The following DNAH6 variants were observed in gnomAD, a reference collection of about 807,000 sequenced individuals.
DNAH6 encodes axonemal beta dynein heavy chain 6.
In DNAH6, 340 loss-of-function variants were observed where a neutral mutation model predicts 491.4. The ratio of observed to expected loss-of-function variants is 0.69; its 90% CI spans 0.63 to 0.76. DNAH6 has a LOEUF of 0.76. Among genes scored for constraint, DNAH6 ranks in the 30% least tolerant of loss-of-function variants. The pLI is 0.00. For synonymous variants in DNAH6, 1,603 were observed against 1,686.1 expected, an observed-to-expected ratio of 0.95 and a Z score of 1.21; for missense variants, 4,443 against 4,972.2, an observed-to-expected ratio of 0.89 and a Z score of 3.20.
At chr2:84,502,184 G>T in the DNAH6 span, among the ~76,000 whole-genome samples, 1 of 151,896 alleles carries the variant, frequency 6.6e-6, no homozygotes. Context: ...TCTTGGTACC[G>T]CTTTTGCTGT....
In DNAH6 at chr2:84,547,520, A is replaced by T. The variant is rs780629101; in HGVS notation, c.1094A>T (p.Asn365Ile). The T allele has an allele frequency of 1.3e-6, 2 of 1,551,724 alleles. No homozygotes were observed. The highest frequency in any genetic ancestry group is 2.4e-5 in the South Asian group (2 of 84,062). ...ACAGAACGCCTAGGAGAATTTCGAA[A>T]TGAGGCAAAATATGTAGTCAGGAGG... Reference protein sequence around the residue: ...EVTERLGEFRNEAKYVVRRAC... With the variant: ...EVTERLGEFRIEAKYVVRRAC... Residue 365 changes from asparagine to isoleucine, a missense_variant, in exon 7 of 77, where the codon AAT becomes ATT. Asn to Ile is a moderately radical substitution (Grantham distance 149, BLOSUM62 -3). Transcript: ENST00000389394.
At chr2:84,512,951 T>G (rs1166705418), upstream of DNAH6, among the ~76,000 whole-genome samples, 1 of 152,062 alleles carries the variant, frequency 6.6e-6, no homozygotes, top group East Asian at 1.9e-4. Context: ...ACTGATAGGT[T>G]TAATCAATTT....
chr2:84,520,406 G>A (rs1676030406), intron 2 of DNAH6, among the ~76,000 whole-genome samples: 1 of 152,004 alleles, frequency 6.6e-6, no homozygotes, highest in Admixed American at 6.6e-5. Flanking sequence ...TGCAGCTAGT[G>A]TTTTTATGTG....
intron 45 of DNAH6, among the ~76,000 whole-genome samples, chr2:84,693,539 C>T (rs898177861): frequency 1.3e-5 from 2 of 151,950 alleles, no homozygotes; most frequent in Non-Finnish European, 2.9e-5. Context: ...ATCAGGAGAT[C>T]GAGACCATCC....
At chr2:84,764,411 C>T (rs989404622) in intron 64 of DNAH6, among the ~76,000 whole-genome samples, 2 of 152,030 alleles carry the variant, frequency 1.3e-5, no homozygotes, top group African/African-American at 4.8e-5. Context: ...TTGGAAACAA[C>T]AAATTAAAAC....
intron 58 of DNAH6, among the ~76,000 whole-genome samples, chr2:84,717,821 G>A (rs1697693497): frequency 6.6e-6 from 1 of 152,152 alleles, no homozygotes; most frequent in Non-Finnish European, 1.5e-5. Context: ...TGTTGGTACA[G>A]AAAGAATATT....
rs149191293 is a variant in DNAH6 at position 84,558,381 on chromosome 2, G to A, written c.1803+446G>A. 5.6e-4 allele frequency among the ~76,000 whole-genome samples: 84 copies of A among 149,174 alleles called. No homozygotes were observed. In the East Asian group the frequency reaches 0.013, roughly 24 times the overall value. ...CAAACTTGCAGTGAGCCGAGATCGC[G>A]CCACTGCACTCCAGCCTAGGTGACA... On this transcript the variant is annotated intron_variant, in intron 11 of 76. Coordinates refer to ENST00000389394, the MANE Select transcript of DNAH6 (RefSeq NM_001370.2).
chr2:84,562,573 G>T (rs1680786750), intron 11 of DNAH6, among the ~76,000 whole-genome samples: 1 of 152,176 alleles, frequency 6.6e-6, no homozygotes, highest in Admixed American at 6.5e-5. Context: ...TTTGCTAAGA[G>T]ACCTCGCAGG....
intron 10 of DNAH6, among the ~76,000 whole-genome samples, chr2:84,554,548 T>C (rs1679832490): frequency 6.6e-6 from 1 of 152,264 alleles, no homozygotes; most frequent in African/African-American, 2.4e-5. Flanking sequence ...TTACAATTAA[T>C]AAGCTATTTG....
intron 38 of DNAH6, 91 bp from the exon 39 acceptor site, chr2:84,670,237 T>G (rs12470102): frequency 4.8e-6 from 4 of 832,898 alleles, no homozygotes; most frequent in Non-Finnish European, 7.3e-6. Flanking sequence ...TCTCTTTTTA[T>G]CCTGTTTCTT....
At chr2:84,512,297 G>T (rs1399895993), upstream of DNAH6, among the ~76,000 whole-genome samples, 1 of 152,166 alleles carries the variant, frequency 6.6e-6, no homozygotes. Context: ...GTGGCATCTG[G>T]TAAGGGACCT....
At chr2:84,571,040 G>A (rs1454566942) in intron 11 of DNAH6, among the ~76,000 whole-genome samples, 1 of 152,174 alleles carries the variant, frequency 6.6e-6, no homozygotes, top group Non-Finnish European at 1.5e-5. Flanking sequence ...TCCACCGGAA[G>A]GAACCAATTC....
chr2:84,627,395 A>G (rs1687981713), intron 29 of DNAH6, among the ~76,000 whole-genome samples: 1 of 152,164 alleles, frequency 6.6e-6, no homozygotes, highest in African/African-American at 2.4e-5. Flanking sequence ...TTACTGAGTC[A>G]TCATACTTGA....
intron 4 of DNAH6, among the ~76,000 whole-genome samples, chr2:84,540,928 G>C (rs1158750652): frequency 6.6e-6 from 1 of 152,040 alleles, no homozygotes; most frequent in East Asian, 1.9e-4. Flanking sequence ...ACTATCCAAG[G>C]ATCTCTAGTT....
chr2:84,611,837 G>A lies in DNAH6; in HGVS notation c.3458G>A (p.Arg1153Gln), dbSNP rs752539227. 38 of 1,550,554 alleles carry A rather than the reference G, an allele frequency of 2.5e-5. No homozygotes were observed. The East Asian group carries it at 3.9e-4, about 16-fold the overall frequency. The change falls in exon 22 of 77, where the codon CGA becomes CAA. Residue 1153 changes from arginine (R) to glutamine (Q), a missense_variant. Arg to Gln is a conservative substitution (Grantham distance 43). Coordinates refer to ENST00000389394, the MANE Select transcript of DNAH6 (RefSeq NM_001370.2). The stretch of plus-strand genomic sequence containing the variant: ...GTGAATCGGCTGCCTAATGCTCTTC[G>A]AGCCGCTACTCAGCCAGGTATGAAA... Reference protein sequence around the residue: ...RKVNRLPNALRAATQPGLLET... With the variant: ...RKVNRLPNALQAATQPGLLET...
chr2:84,812,113 C>A (rs548186998), intron 72 of DNAH6, among the ~76,000 whole-genome samples: 1 of 152,360 alleles, frequency 6.6e-6, no homozygotes, highest in East Asian at 1.9e-4. Context: ...TTCCACTGCA[C>A]TGGACTCTGC....
chr2:84,594,011 G>A lies in DNAH6; in HGVS notation c.2650G>A (p.Ala884Thr). 6.4e-7 allele frequency: 1 copy of A among 1,550,904 alleles called. No individual in the cohort carries two copies. Among genetic ancestry groups the A allele is most frequent in the East Asian group, 2.4e-5 (1 of 40,830 alleles). Residue 884 changes from alanine (A) to threonine (T), a missense_variant, in exon 17 of 77, where the codon GCT (alanine) becomes ACT (threonine). Physicochemically the swap from Ala to Thr is moderately conservative, Grantham distance 58. This residue lies in a region of DNAH6 where 2,977 missense variants were observed against 3,296.6 expected (regional missense o/e 0.90). Transcript: ENST00000389394. ...GTTTGAAGCTTTGGAAGAAGTCAGTGCTGAACTGAAGCTCAAACAATTGCT... is the reference window on the plus strand; with the variant it reads ...GTTTGAAGCTTTGGAAGAAGTCAGTACTGAACTGAAGCTCAAACAATTGCT... ...SKFEALEEVS[A>T]ELKLKQLLWD...
chr2:84,508,903 T>C, the DNAH6 span, among the ~76,000 whole-genome samples: 1 of 152,230 alleles, frequency 6.6e-6, no homozygotes, highest in Non-Finnish European at 1.5e-5. Context: ...AATCCTGAGT[T>C]CTAGTTTGAT....
rs545696472 is a variant in DNAH6 at position 84,819,487 on chromosome 2, A to G, written c.*79A>G. ...GGAGCAAAAGGTTTGAATAATTTAT[A>G]TGTGAGCAAAACGGTGTTAATTCTG... On this transcript the variant is annotated 3_prime_UTR_variant, in exon 77 of 77. Coordinates refer to ENST00000389394, the MANE Select transcript of DNAH6 (RefSeq NM_001370.2). The G allele has an allele frequency of 1.7e-3, 1,524 of 877,096 alleles. 2 individuals carry two copies. Among genetic ancestry groups the G allele is most frequent in the Non-Finnish European group, 2.4e-3 (1,344 of 568,052 alleles). 54.3% of individuals were successfully genotyped at this position (877,096 alleles called of 1,614,324 possible).
Sources: gnomAD v4.1 joint callset for allele counts (sites outside exome capture counted in the v4.1 genomes callset) on GRCh38, gnomAD v4.1.1 for gene constraint, gnomAD v4.1.1 regional missense constraint, MANE v1.5 for transcripts, NCBI Gene and HGNC (gene_info 2026-07-23, HGNC 2026-07-21) for gene names.